Variants in ADAM22 observed in about 807,000 individuals in gnomAD.
The protein encoded by ADAM22 is disintegrin and metalloproteinase domain-containing protein 22.
A neutral mutation model predicts 144.6 loss-of-function variants in ADAM22; 65 were observed. The observed-to-expected ratio is 0.45, with a 90% CI of 0.37 to 0.55. ADAM22 has a LOEUF of 0.55. Among genes scored for constraint, ADAM22 ranks in the 20% least tolerant of loss-of-function variants. The pLI is 0.00. For missense variants in ADAM22, 974 were observed against 1,184.9 expected, an observed-to-expected ratio of 0.82 and a Z score of 2.61; for synonymous variants, 391 against 412.6, an observed-to-expected ratio of 0.95 and a Z score of 0.63.
intron 3 of ADAM22, among the ~76,000 whole-genome samples, chr7:88,007,698 G>A (rs533859668): frequency 1.3e-3 from 193 of 152,288 alleles, no homozygotes; most frequent in African/African-American, 4.5e-3. Context: ...CTAGCCATAT[G>A]TAGAAAGCTG....
chr7:88,109,227 G>A (rs967918449), intron 5 of ADAM22, among the ~76,000 whole-genome samples: 3 of 151,878 alleles, frequency 2.0e-5, no homozygotes, highest in Non-Finnish European at 4.4e-5. Flanking sequence ...AGAGATCTCC[G>A]AGGAACAAAG....
rs1233091185 is a variant in ADAM22 at position 88,039,463 on chromosome 7, A to AT, written c.324-36163_324-36162insT. Among the ~76,000 whole-genome samples, 108 of 109,364 alleles carry AT rather than the reference A, an allele frequency of 9.9e-4. 4 individuals carry two copies. Among genetic ancestry groups the AT allele is most frequent in the East Asian group, 3.6e-3 (9 of 2,520 alleles). The allele number at this position is 109,364 out of a possible 152,430, so 71.7% of individuals were successfully genotyped here. A position where few individuals can be genotyped will look rare whatever the true frequency, so the allele number is the denominator to read the frequency against. On this transcript the variant is annotated intron_variant, in intron 3 of 31. Transcript: ENST00000413139. ...AGATTCTGTCTCAAAAAAAAAAAAAAAATATATATATATATATATATACAT... is the reference window on the plus strand; with the variant it reads ...AGATTCTGTCTCAAAAAAAAAAAAAATAATATATATATATATATATATACAT...
At chr7:87,966,822 G>T (rs1175968458) in intron 2 of ADAM22, among the ~76,000 whole-genome samples, 2 of 133,404 alleles carry the variant, frequency 1.5e-5, no homozygotes, top group Non-Finnish European at 3.1e-5. Context: ...TCTGTCCTAG[G>T]AAAATGCATC....
chr7:88,116,612 T>A (rs866415407), intron 6 of ADAM22, 133 bp from the exon 7 acceptor site: 1 of 670,398 alleles, frequency 1.5e-6, no homozygotes. Flanking sequence ...TGGGCAATGG[T>A]TCATCACCTC....
intron 3 of ADAM22, among the ~76,000 whole-genome samples, chr7:88,021,928 A>G (rs1330338910): frequency 6.6e-6 from 1 of 151,506 alleles, no homozygotes; most frequent in Non-Finnish European, 1.5e-5. Flanking sequence ...GCTGGGGTGC[A>G]GTGGTATGAC....
chr7:88,162,707 A>G (rs934049373), intron 22 of ADAM22, among the ~76,000 whole-genome samples: 2 of 152,130 alleles, frequency 1.3e-5, no homozygotes, highest in Admixed American at 6.6e-5. Flanking sequence ...ATCAAATTAC[A>G]TACTAGTAAT....
At chr7:88,072,935 A>G (rs1212317891) in intron 3 of ADAM22, among the ~76,000 whole-genome samples, 1 of 152,228 alleles carries the variant, frequency 6.6e-6, no homozygotes, top group African/African-American at 2.4e-5. Flanking sequence ...AGGTCTTTCC[A>G]TATAATTTTA....
chr7:87,951,171 T>C, intron 2 of ADAM22, among the ~76,000 whole-genome samples: 1 of 150,390 alleles, frequency 6.6e-6, no homozygotes, highest in East Asian at 1.9e-4. Context: ...ATTTTGTCTT[T>C]TGTTGCCGTT....
chr7:88,176,410 A>AT (rs1378518704), intron 26 of ADAM22, among the ~76,000 whole-genome samples: 1 of 152,178 alleles, frequency 6.6e-6, no homozygotes, highest in African/African-American at 2.4e-5. Context: ...CCTAATGAAA[A>AT]CAAGGTGGTG....
At position 88,113,046 on chromosome 7, in the gene ADAM22, C is replaced by T. The variant is rs536581920; in HGVS notation, c.474-1538C>T. 2.6e-5 allele frequency among the ~76,000 whole-genome samples: 4 copies of T among 151,376 alleles called. No homozygotes were observed. In the South Asian group the frequency reaches 8.4e-4, roughly 32 times the overall value. ...CAAAACTGAACTCTTAAAGGATTTG[C>T]ATCCTTCCCTCTGCTTCCTGCTTCC... On this transcript the variant is annotated intron_variant, in intron 5 of 31. Coordinates refer to ENST00000413139, the MANE Select transcript of ADAM22 (RefSeq NM_001324418.2).
intron 3 of ADAM22, among the ~76,000 whole-genome samples, chr7:88,040,473 C>T (rs953770437): frequency 2.0e-5 from 3 of 152,026 alleles, no homozygotes; most frequent in African/African-American, 7.2e-5. Context: ...TCCCCATCAC[C>T]ATCAGGTCTT....
At chr7:87,980,224 A>G (rs956511238) in intron 3 of ADAM22, among the ~76,000 whole-genome samples, 1 of 151,674 alleles carries the variant, frequency 6.6e-6, no homozygotes, top group Non-Finnish European at 1.5e-5. Context: ...ACTACAAGAC[A>G]TATAAAAGAT....
At chr7:88,072,883 T>C (rs1414436012) in intron 3 of ADAM22, among the ~76,000 whole-genome samples, 1 of 152,118 alleles carries the variant, frequency 6.6e-6, no homozygotes, top group Non-Finnish European at 1.5e-5. Flanking sequence ...GTAAACAGGG[T>C]GTGATGTGGA....
chr7:87,960,735 C>G (rs985410348), intron 2 of ADAM22, among the ~76,000 whole-genome samples: 2 of 152,162 alleles, frequency 1.3e-5, no homozygotes, highest in African/African-American at 2.4e-5. Context: ...CTTGCCAGCT[C>G]TGCAATTAAA....
intron 3 of ADAM22, among the ~76,000 whole-genome samples, chr7:87,987,627 T>A (rs966932949): frequency 1.3e-5 from 2 of 152,238 alleles, no homozygotes; most frequent in African/African-American, 4.8e-5. Context: ...AACTATTGGA[T>A]GAACAAAATC....
At chr7:88,132,298 A>C (rs989612710) in intron 11 of ADAM22, 3 of 152,172 alleles carry the variant, frequency 2.0e-5, no homozygotes, top group Non-Finnish European at 4.4e-5. Context: ...ATTTAACACA[A>C]ACATAATACT....
chr7:88,195,570 CA>C (rs1850497204), intron 31 of ADAM22, among the ~76,000 whole-genome samples: 1 of 152,098 alleles, frequency 6.6e-6, no homozygotes, highest in Non-Finnish European at 1.5e-5. Flanking sequence ...GGCTATAGTG[CA>C]ATGTCGCGAT....
chr7:88,094,957 G>A (rs771559420), intron 4 of ADAM22, among the ~76,000 whole-genome samples: 3 of 152,134 alleles, frequency 2.0e-5, no homozygotes, highest in Non-Finnish European at 4.4e-5. Flanking sequence ...TACGTCCTTA[G>A]ACAATTTACT....
At chr7:88,079,096 G>T (rs1195043896) in intron 4 of ADAM22, among the ~76,000 whole-genome samples, 1 of 151,906 alleles carries the variant, frequency 6.6e-6, no homozygotes, top group Non-Finnish European at 1.5e-5. Flanking sequence ...CAGCCAGAGA[G>T]AAAGGTCGGG....
Sources: allele counts gnomAD v4.1 joint callset (sites outside exome capture counted in the v4.1 genomes callset), GRCh38; gene constraint gnomAD v4.1.1; transcripts MANE v1.5; gene names NCBI Gene and HGNC (gene_info 2026-07-23, HGNC 2026-07-21).